The following PRKD1 variants were observed in gnomAD, a reference collection of about 807,000 sequenced individuals.
The protein encoded by PRKD1 is protein kinase D1, also known as serine/threonine-protein kinase D1.
In PRKD1, 63 loss-of-function variants were observed where a neutral mutation model predicts 95.9. That is an observed-to-expected ratio of 0.66 (90% CI 0.54 to 0.81). The LOEUF is 0.81. PRKD1 is among the 30% of genes least tolerant of loss of function. The pLI is 0.00. For synonymous variants in PRKD1, 425 were observed against 423.1 expected (o/e 1.00, Z -0.05); for missense variants, 1,048 against 1,165.3 (o/e 0.90, Z 1.47).
At chr14:29,808,918 A>G (rs1890363360) in intron 1 of PRKD1, among the ~76,000 whole-genome samples, 1 of 152,218 alleles carries the variant, frequency 6.6e-6, no homozygotes, top group South Asian at 2.1e-4. Flanking sequence ...TACTTTGCCC[A>G]GATCTATCAG....
At chr14:29,825,013 T>G (rs147452456) in intron 1 of PRKD1, among the ~76,000 whole-genome samples, 1 of 152,218 alleles carries the variant, frequency 6.6e-6, no homozygotes, top group East Asian at 1.9e-4. Context: ...AATGCTGTAT[T>G]TCATGGAAGG....
chr14:29,925,681 C>T (rs962273176), intron 1 of PRKD1, among the ~76,000 whole-genome samples: 1 of 152,202 alleles, frequency 6.6e-6, no homozygotes, highest in Non-Finnish European at 1.5e-5. Flanking sequence ...CTGGTCAAAA[C>T]AAAGTCTATC....
chr14:29,868,225 C>T (rs1346131211), intron 1 of PRKD1, among the ~76,000 whole-genome samples: 2 of 152,048 alleles, frequency 1.3e-5, no homozygotes, highest in Non-Finnish European at 2.9e-5. Context: ...TCAAGAAAAA[C>T]CCACGCTGAA....
chr14:29,840,038 T>C (rs938519700), intron 1 of PRKD1, among the ~76,000 whole-genome samples: 1 of 152,138 alleles, frequency 6.6e-6, no homozygotes, highest in African/African-American at 2.4e-5. Context: ...TTATGTAAAT[T>C]TCTGCAGCCA....
intron 2 of PRKD1, among the ~76,000 whole-genome samples, chr14:29,684,009 T>G (rs1883698318): frequency 6.6e-6 from 1 of 152,192 alleles, no homozygotes; most frequent in South Asian, 2.1e-4. Flanking sequence ...TATGCCCAAA[T>G]GTCTTAATGC....
At chr14:29,711,467 G>T (rs1456036921) in intron 2 of PRKD1, among the ~76,000 whole-genome samples, 1 of 152,080 alleles carries the variant, frequency 6.6e-6, no homozygotes, top group Non-Finnish European at 1.5e-5. Flanking sequence ...ATGTTGTGGG[G>T]TTTCTTTTCC....
chr14:29,892,061 C>A (rs1408150842), intron 1 of PRKD1, among the ~76,000 whole-genome samples: 1 of 152,190 alleles, frequency 6.6e-6, no homozygotes, highest in East Asian at 1.9e-4. Flanking sequence ...TACTAACTTT[C>A]ATCAAGCCTT....
rs1306586778 is a variant in PRKD1 at position 29,577,392 on chromosome 14, T to C, written c.2585A>G (p.His862Arg). The change falls in exon 18 of 18, where the codon CAT becomes CGT. Residue 862 changes from histidine (H) to arginine (R), a missense_variant. Physicochemically the swap from His to Arg is conservative, Grantham distance 29 (BLOSUM62 0). Transcript: ENST00000331968. ...CTCCCACCTCAGGTCATCACTTTCATGGGTGATGTAGCGCTCCCCGATTTT... is the reference window on the plus strand; with the variant it reads ...CTCCCACCTCAGGTCATCACTTTCACGGGTGATGTAGCGCTCCCCGATTTT... ...ECKIGERYITHESDDLRWEKY... is the reference protein window; with the variant it reads ...ECKIGERYITRESDDLRWEKY... The C allele has an allele frequency of 4.4e-5, 71 of 1,613,706 alleles. No individual in the cohort carries two copies. Among genetic ancestry groups the C allele is most frequent in the Non-Finnish European group, 5.9e-5 (70 of 1,179,816 alleles).
chr14:29,646,297 G>C lies in PRKD1; in HGVS notation c.697-7393C>G, dbSNP rs1881117925. ...TTAATGGGTGCAAAAAAATAGCACA[G>C]TGAATAAGACCAAGTATTTGCTATC... is the stretch of plus-strand genomic sequence containing the variant. On this transcript the variant is annotated intron_variant, in intron 4 of 17. Coordinates refer to ENST00000331968, the MANE Select transcript of PRKD1 (RefSeq NM_002742.3). 1.3e-5 allele frequency among the ~76,000 whole-genome samples: 2 copies of C among 152,098 alleles called. 1 individual carries two copies. Among genetic ancestry groups the C allele is most frequent in the South Asian group, 4.1e-4 (2 of 4,832 alleles).
intron 2 of PRKD1, among the ~76,000 whole-genome samples, chr14:29,672,233 T>C (rs60931671): frequency 0.026 from 3,890 of 151,466 alleles, 142 homozygotes; most frequent in African/African-American, 0.079. Context: ...CCCAGCTATT[T>C]GGGAGGCTGA....
intron 1 of PRKD1, among the ~76,000 whole-genome samples, chr14:29,910,689 T>G (rs1186017008): frequency 6.6e-6 from 1 of 152,080 alleles, no homozygotes; most frequent in South Asian, 2.1e-4. Context: ...AGGAAGGAAT[T>G]TGAGACTTGT....
intron 1 of PRKD1, among the ~76,000 whole-genome samples, chr14:29,920,913 A>G (rs906047768): frequency 3.3e-5 from 5 of 152,206 alleles, no homozygotes; most frequent in African/African-American, 1.2e-4. Context: ...CAACCTCTAG[A>G]TGTTAGCATG....
intron 8 of PRKD1, among the ~76,000 whole-genome samples, chr14:29,633,905 G>A (rs557654321): frequency 1.3e-5 from 2 of 152,280 alleles, no homozygotes; most frequent in South Asian, 2.1e-4. Context: ...ACTTTGAAAC[G>A]TGAATCAAGT....
chr14:29,802,549 A>G (rs138827070), intron 1 of PRKD1, among the ~76,000 whole-genome samples: 1 of 152,350 alleles, frequency 6.6e-6, no homozygotes, highest in East Asian at 1.9e-4. Flanking sequence ...AATTTAAAAC[A>G]AGGTAACAAA....
intron 16 of PRKD1, among the ~76,000 whole-genome samples, chr14:29,588,380 G>A (rs1893008397): frequency 6.6e-6 from 1 of 152,024 alleles, no homozygotes; most frequent in Non-Finnish European, 1.5e-5. Context: ...TGTTTGTACT[G>A]GCTATATTTT....
intron 1 of PRKD1, among the ~76,000 whole-genome samples, chr14:29,736,034 C>T (rs1019423030): frequency 2.6e-5 from 4 of 152,144 alleles, no homozygotes; most frequent in African/African-American, 9.7e-5. Flanking sequence ...ATCAAAATGA[C>T]TAAAGTATGA....
At chr14:29,624,521 A>G (rs1482302234) in intron 12 of PRKD1, among the ~76,000 whole-genome samples, 27 of 152,156 alleles carry the variant, frequency 1.8e-4, no homozygotes, top group Admixed American at 1.8e-3. Context: ...TGTTTTTTTC[A>G]TAAAATATAT....
intron 1 of PRKD1, among the ~76,000 whole-genome samples, chr14:29,894,597 T>C (rs934812550): frequency 3.3e-5 from 5 of 152,228 alleles, no homozygotes; most frequent in Non-Finnish European, 7.3e-5. Context: ...ATGAGGAGAC[T>C]TGTAGTATAG....
rs1879954378 is a variant in PRKD1 at position 29,630,835 on chromosome 14, C to G, written c.1579G>C (p.Asp527His). 1 of 1,614,142 alleles carries G rather than the reference C, an allele frequency of 6.2e-7. No homozygotes were observed. The highest frequency in any genetic ancestry group is 1.3e-5 in the African/African-American group (1 of 75,048). The change falls in exon 10 of 18, where the codon GAT (aspartate) becomes CAT (histidine). Residue 527 changes from aspartate (D) to histidine (H), a missense_variant. By Grantham distance (81) the Asp-to-His change is moderately conservative (BLOSUM62 -1). This residue lies in a region of PRKD1 where 739 missense variants were observed against 861.9 expected (regional missense o/e 0.86). Transcript: ENST00000331968. ...GCTATCTCCCACATCCTGGCCACAT[C>G]TGCACCAACGCCACTGGTGAGAACA... Reference protein sequence around the residue: ...NSVLTSGVGADVARMWEIAIQ... With the variant: ...NSVLTSGVGAHVARMWEIAIQ...
Sources: gnomAD v4.1 joint callset for allele counts (sites outside exome capture counted in the v4.1 genomes callset) on GRCh38, gnomAD v4.1.1 for gene constraint, gnomAD v4.1.1 regional missense constraint, MANE v1.5 for transcripts, NCBI Gene and HGNC (gene_info 2026-07-23, HGNC 2026-07-21) for gene names.